MYL12A: variants seen among roughly 807,000 people sequenced by gnomAD.
MYL12A encodes myosin regulatory light chain 12A.
MYL12A carries 11 observed loss-of-function variants against 13.3 expected under a neutral mutation model. That is an observed-to-expected ratio of 0.83 (90% CI 0.52 to 1.37). MYL12A has a LOEUF of 1.37. Ranked by LOEUF, MYL12A falls within the 40% of genes most tolerant of loss-of-function variation. The probability of loss-of-function intolerance (pLI) is 0.00; values close to 1 mark genes in which losing one functional copy is unlikely to be tolerated. For missense variants in MYL12A, 146 were observed against 212.3 expected (o/e 0.69, Z 1.94); for synonymous variants, 51 against 69.9 (o/e 0.73, Z 1.35).
intron 1 of MYL12A, chr18:3,248,399 A>C (rs536596581): frequency 6.6e-6 from 1 of 152,326 alleles, no homozygotes; most frequent in East Asian, 1.9e-4. Flanking sequence ...AATTTTGGAC[A>C]GAGAGATCTG....
At chr18:3,252,695 C>T (rs2081498069) in intron 1 of MYL12A, among the ~76,000 whole-genome samples, 1 of 152,044 alleles carries the variant, frequency 6.6e-6, no homozygotes, top group African/African-American at 2.4e-5. Context: ...TACTATTAGC[C>T]TTTCAACAAA....
intron 1 of MYL12A, among the ~76,000 whole-genome samples, chr18:3,250,796 T>A (rs1598796100): frequency 6.6e-6 from 1 of 152,230 alleles, no homozygotes; most frequent in East Asian, 1.9e-4. Flanking sequence ...CAGAAACATC[T>A]TTTCTGAACT....
intron 3 of MYL12A, 138 bp downstream of exon 3, chr18:3,254,188 G>A (rs2081516091): frequency 7.0e-6 from 7 of 997,256 alleles, no homozygotes; most frequent in South Asian, 1.7e-5. Context: ...CTCTTGGCAT[G>A]TTTGTCACTC....
rs1419740887 is a variant in MYL12A at position 3,255,990 on chromosome 18, C to T, written c.*72C>T. On this transcript the variant is annotated 3_prime_UTR_variant, in exon 4 of 4. Coordinates refer to ENST00000217652, the MANE Select transcript of MYL12A (RefSeq NM_006471.4). Reference sequence around the variant, plus strand: ...ATTCTGAGATTTTCTCTTGCATGCCCTTAGCTTTACAGCTTTTGCATTTCC... The same window carrying T: ...ATTCTGAGATTTTCTCTTGCATGCCTTTAGCTTTACAGCTTTTGCATTTCC... 6 of 1,543,476 alleles carry T rather than the reference C, an allele frequency of 3.9e-6. No individual in the cohort carries two copies. In the African/African-American group the frequency reaches 4.2e-5, roughly 11 times the overall value.
intron 1 of MYL12A, among the ~76,000 whole-genome samples, chr18:3,250,209 T>TA (rs368009359): frequency 2.6e-5 from 4 of 152,208 alleles, no homozygotes; most frequent in South Asian, 2.1e-4. Context: ...CCCTAAAACT[T>TA]AAAGTATAAT....
intron 1 of MYL12A, among the ~76,000 whole-genome samples, chr18:3,252,059 A>G (rs1351397518): frequency 6.6e-6 from 1 of 151,300 alleles, no homozygotes; most frequent in Non-Finnish European, 1.5e-5. Flanking sequence ...ACACATTCTT[A>G]GGGTCACTTT....
chr18:3,251,680 A>G (rs2081486889), intron 1 of MYL12A, among the ~76,000 whole-genome samples: 1 of 152,220 alleles, frequency 6.6e-6, no homozygotes, highest in Non-Finnish European at 1.5e-5. Flanking sequence ...AATGGGATTT[A>G]CTACCCCCAA....
intron 1 of MYL12A, among the ~76,000 whole-genome samples, chr18:3,250,605 A>C (rs2144324214): frequency 6.6e-6 from 1 of 152,326 alleles, no homozygotes; most frequent in Non-Finnish European, 1.5e-5. Flanking sequence ...TGAAAAAGTA[A>C]AGGCCTAGGT....
At chr18:3,253,702 T>C (rs769403617) in intron 2 of MYL12A, 187 bp from the exon 3 acceptor site, 1 of 726,452 alleles carries the variant, frequency 1.4e-6, no homozygotes, top group Non-Finnish European at 2.2e-6. Flanking sequence ...TGGACTATCA[T>C]ATACTTTCCA....
chr18:3,253,226 T>C lies in MYL12A; in HGVS notation c.-15-7T>C. 1 of 1,588,554 alleles carries C rather than the reference T, an allele frequency of 6.3e-7. No homozygotes were observed. Among genetic ancestry groups the C allele is most frequent in the Non-Finnish European group, 8.6e-7 (1 of 1,166,382 alleles). ...TTGGTTTTTATTGTATTTCCTTTCC[T>C]AATTAGGACTTAACCACCACCATGT... On this transcript the variant is annotated splice_polypyrimidine_tract_variant and splice_region_variant and intron_variant, in intron 1 of 3. Transcript: ENST00000217652.
At chr18:3,251,063 T>A (rs910742045) in intron 1 of MYL12A, among the ~76,000 whole-genome samples, 1 of 152,030 alleles carries the variant, frequency 6.6e-6, no homozygotes, top group South Asian at 2.1e-4. Context: ...TTTAATTAAC[T>A]TCATAATAAA....
At chr18:3,250,336 T>G (rs937390184) in intron 1 of MYL12A, among the ~76,000 whole-genome samples, 9 of 152,140 alleles carry the variant, frequency 5.9e-5, no homozygotes, top group Admixed American at 2.6e-4. Flanking sequence ...CTAAATTGTT[T>G]GAAGGAAAGT....
At chr18:3,255,528 G>A (rs2081527710) in intron 3 of MYL12A, 3 of 455,734 alleles carry the variant, frequency 6.6e-6, no homozygotes, top group Non-Finnish European at 3.8e-6. Flanking sequence ...CAGAATGATA[G>A]AGCAAATGAT....
At chr18:3,250,681 G>C (rs890116495) in intron 1 of MYL12A, among the ~76,000 whole-genome samples, 3 of 152,154 alleles carry the variant, frequency 2.0e-5, no homozygotes, top group African/African-American at 2.4e-5. Context: ...TGTTAGAATT[G>C]AGACTAACAG....
chr18:3,253,680 C>G, intron 2 of MYL12A: 1 of 683,172 alleles, frequency 1.5e-6, no homozygotes, highest in Non-Finnish European at 2.4e-6. Flanking sequence ...ATTATTCCTT[C>G]TGACATTCCA....
intron 1 of MYL12A, among the ~76,000 whole-genome samples, chr18:3,250,429 C>G (rs889373950): frequency 6.6e-6 from 1 of 152,182 alleles, no homozygotes; most frequent in East Asian, 1.9e-4. Flanking sequence ...TAGCACTGTT[C>G]CTGATTTGAC....
At chr18:3,253,610 G>T (rs1404486579) in intron 2 of MYL12A, 182 bp downstream of exon 2, 7 of 801,604 alleles carry the variant, frequency 8.7e-6, no homozygotes, top group African/African-American at 3.5e-5. Context: ...TTAGGATTGG[G>T]TTGGGGTTCG....
rs560694347 is a variant in MYL12A at position 3,254,601 on chromosome 18, G to A, written c.343+551G>A. 5.9e-5 allele frequency among the ~76,000 whole-genome samples: 9 copies of A among 152,346 alleles called. No individual in the cohort carries two copies. In the South Asian group the frequency reaches 1.9e-3, roughly 32 times the overall value. ...GCCTCTGTTTTCTTATTTGTAAAATGAGCAGTATTACCTACCTCATAGGGT... is the reference window on the plus strand; with the variant it reads ...GCCTCTGTTTTCTTATTTGTAAAATAAGCAGTATTACCTACCTCATAGGGT... On this transcript the variant is annotated intron_variant, in intron 3 of 3. Transcript: ENST00000217652.
intron 3 of MYL12A, 37 bp downstream of exon 3, chr18:3,254,087 A>T (rs1373854094): frequency 1.3e-6 from 2 of 1,594,208 alleles, no homozygotes; most frequent in African/African-American, 2.7e-5. Context: ...AAAGTGATTT[A>T]ATTTTTAGTT....
Sources: allele counts gnomAD v4.1 joint callset (sites outside exome capture counted in the v4.1 genomes callset), GRCh38; gene constraint gnomAD v4.1.1; transcripts MANE v1.5; gene names NCBI Gene and HGNC (gene_info 2026-07-23, HGNC 2026-07-21).